The following PLCXD2 variants were observed in gnomAD, a reference collection of about 807,000 sequenced individuals.
PLCXD2 encodes the protein phosphatidylinositol specific phospholipase C X domain containing 2.
A neutral mutation model predicts 28.6 loss-of-function variants in PLCXD2; 21 were observed. The observed-to-expected ratio is 0.73, with a 90% CI of 0.52 to 1.06. The LOEUF is 1.06. PLCXD2 is among the 50% of genes least tolerant of loss of function. The pLI, the probability that PLCXD2 is intolerant of heterozygous loss-of-function variation, is 0.00. For synonymous variants in PLCXD2, 140 were observed against 150.1 expected, an observed-to-expected ratio of 0.93 and a Z score of 0.49; for missense variants, 369 against 376.7, an observed-to-expected ratio of 0.98 and a Z score of 0.17.
At chr3:111,699,329 T>C (rs1941008216) in intron 1 of PLCXD2, among the ~76,000 whole-genome samples, 1 of 152,204 alleles carries the variant, frequency 6.6e-6, no homozygotes, top group Non-Finnish European at 1.5e-5. Flanking sequence ...TTCTTTTTGT[T>C]TTATTTATAA....
intron 1 of PLCXD2, among the ~76,000 whole-genome samples, chr3:111,706,032 A>AT (rs1941113510): frequency 6.6e-6 from 1 of 151,708 alleles, no homozygotes; most frequent in African/African-American, 2.4e-5. Context: ...CTTTTTTTGT[A>AT]TTTTTTGTAG....
chr3:111,678,104 A>C (rs914505323), intron 1 of PLCXD2, among the ~76,000 whole-genome samples: 1 of 152,198 alleles, frequency 6.6e-6, no homozygotes, highest in African/African-American at 2.4e-5. Context: ...ACAATAGCAG[A>C]AATGAGATGG....
chr3:111,680,162 G>A (rs978524208), intron 1 of PLCXD2, among the ~76,000 whole-genome samples: 5 of 152,022 alleles, frequency 3.3e-5, no homozygotes, highest in African/African-American at 4.8e-5. Context: ...TCCTGTGGCC[G>A]CACACCCTCT....
At chr3:111,724,612 A>T (rs1018635263) in intron 3 of PLCXD2, 3 of 152,284 alleles carry the variant, frequency 2.0e-5, no homozygotes, top group African/African-American at 7.2e-5. Flanking sequence ...GCACAATGCT[A>T]AAGGTGGAGC....
At position 111,675,429 on chromosome 3, in the gene PLCXD2, G is replaced by C. The variant is rs183002360; in HGVS notation, c.163+21G>C. On this transcript the variant is annotated intron_variant, in intron 1 of 4. Transcript: ENST00000477665. The stretch of plus-strand genomic sequence containing the variant: ...CCCAGGTATTCGTCTATTCCTACTT[G>C]TTCCCACTGTGTTTAATTCTGCCAT... 3.1e-3 allele frequency: 5,072 copies of C among 1,613,354 alleles called. 14 individuals carry two copies. Among genetic ancestry groups the C allele is most frequent in the Non-Finnish European group, 3.8e-3 (4,468 of 1,179,438 alleles).
intron 1 of PLCXD2, chr3:111,692,536 C>T (rs1559793130): frequency 6.6e-6 from 1 of 152,196 alleles, no homozygotes; most frequent in African/African-American, 2.4e-5. Context: ...AAAGGTAACA[C>T]CTGGCAGTAA....
At chr3:111,695,854 CTT>C (rs1940953622) in intron 1 of PLCXD2, among the ~76,000 whole-genome samples, 1 of 152,216 alleles carries the variant, frequency 6.6e-6, no homozygotes, top group African/African-American at 2.4e-5. Context: ...CAATTTAAAA[CTT>C]ATGAATTGTT....
intron 1 of PLCXD2, among the ~76,000 whole-genome samples, chr3:111,705,666 A>AT (rs1941107873): frequency 6.7e-6 from 1 of 150,234 alleles, no homozygotes; most frequent in African/African-American, 2.5e-5. Context: ...AGCATTTGTT[A>AT]TTTTTTGTCT....
In PLCXD2 at chr3:111,708,143, G is replaced by T; in HGVS notation, c.381G>T (p.Glu127Asp). ...CCAAACCAGGGGATGCCGACCAGGA[G>T]ATCTACTTCATCCATGGGCTTTTTG... Residue 127 changes from glutamate to aspartate, a missense_variant, in exon 2 of 5, where the codon GAG (glutamate) becomes GAT (aspartate). Coordinates refer to ENST00000477665, the MANE Select transcript of PLCXD2 (RefSeq NM_001185106.1). 1 of 1,614,232 alleles carries T rather than the reference G, an allele frequency of 6.2e-7. No individual in the cohort carries two copies. Among genetic ancestry groups the T allele is most frequent in the Non-Finnish European group, 8.5e-7 (1 of 1,180,050 alleles).
intron 1 of PLCXD2, among the ~76,000 whole-genome samples, chr3:111,704,963 C>A (rs1347319682): frequency 1.3e-5 from 2 of 152,204 alleles, no homozygotes; most frequent in East Asian, 1.9e-4. Flanking sequence ...CAGGCATGCA[C>A]CACCACACCT....
chr3:111,722,406 C>T (rs1311358283), intron 3 of PLCXD2: 5 of 152,080 alleles, frequency 3.3e-5, no homozygotes, highest in African/African-American at 9.7e-5. Flanking sequence ...GGACAGTATA[C>T]ATGTGTGGAT....
intron 3 of PLCXD2, chr3:111,725,362 G>A (rs921175754): frequency 3.1e-6 from 1 of 327,744 alleles, no homozygotes; most frequent in East Asian, 4.5e-5. Context: ...TGGCACCATA[G>A]CGTTGTCACT....
At chr3:111,713,849 T>A (rs919020147) in intron 2 of PLCXD2, 38 bp from the exon 3 acceptor site, 5 of 1,594,342 alleles carry the variant, frequency 3.1e-6, no homozygotes, top group Non-Finnish European at 3.4e-6. Context: ...TCAGCATTTT[T>A]ATGGATTGCT....
chr3:111,704,397 A>G (rs967378295), intron 1 of PLCXD2, among the ~76,000 whole-genome samples: 7 of 152,382 alleles, frequency 4.6e-5, no homozygotes, highest in Admixed American at 2.6e-4. Context: ...CCAATAACCA[A>G]AATGAAAGAT....
intron 3 of PLCXD2, chr3:111,724,808 C>T (rs1037095412): frequency 6.6e-6 from 1 of 152,220 alleles, no homozygotes; most frequent in Non-Finnish European, 1.5e-5. Context: ...GATTGGAGCA[C>T]AGCCATGAGA....
At chr3:111,719,276 G>A (rs972585022) in intron 3 of PLCXD2, among the ~76,000 whole-genome samples, 2 of 152,320 alleles carry the variant, frequency 1.3e-5, no homozygotes, top group South Asian at 4.1e-4. Flanking sequence ...TTCGGCTCAT[G>A]AAAATATGTC....
At chr3:111,726,666 C>T (rs1321193277) in intron 3 of PLCXD2, 1 of 152,174 alleles carries the variant, frequency 6.6e-6, no homozygotes, top group African/African-American at 2.4e-5. Flanking sequence ...TATTCATACA[C>T]ATTTCACTTG....
chr3:111,724,797 T>C (rs1254414351), intron 3 of PLCXD2: 2 of 152,232 alleles, frequency 1.3e-5, no homozygotes, highest in Non-Finnish European at 2.9e-5. Context: ...AGTGGGCTAA[T>C]GATTGGAGCA....
At chr3:111,695,646 T>A (rs1283493665) in intron 1 of PLCXD2, among the ~76,000 whole-genome samples, 1 of 152,240 alleles carries the variant, frequency 6.6e-6, no homozygotes, top group African/African-American at 2.4e-5. Flanking sequence ...CTGGTTCTGC[T>A]GTTTACATTA....
Sources: allele counts gnomAD v4.1 joint callset (sites outside exome capture counted in the v4.1 genomes callset), GRCh38; gene constraint gnomAD v4.1.1; transcripts MANE v1.5; gene names NCBI Gene and HGNC (gene_info 2026-07-23, HGNC 2026-07-21).